ERG: variants seen among roughly 807,000 people sequenced by gnomAD.
ERG encodes transcriptional regulator ERG.
A neutral mutation model predicts 55.3 loss-of-function variants in ERG; 9 were observed. That is an observed-to-expected ratio of 0.16 (90% CI 0.10 to 0.28). ERG has a LOEUF of 0.28. Among genes scored for constraint, ERG ranks in the 10% least tolerant of loss-of-function variants. The pLI is 1.00. For missense variants in ERG, 434 were observed against 631.6 expected, an observed-to-expected ratio of 0.69 and a Z score of 3.35; for synonymous variants, 223 against 237.3, an observed-to-expected ratio of 0.94 and a Z score of 0.55.
At chr21:38,441,990 C>T (rs1399808784) in intron 2 of ERG, among the ~76,000 whole-genome samples, 1 of 152,242 alleles carries the variant, frequency 6.6e-6, no homozygotes, top group Non-Finnish European at 1.5e-5. Flanking sequence ...CACCAAAACA[C>T]ATCACCGATG....
chr21:38,521,363 C>G (rs970198907), intron 2 of ERG, among the ~76,000 whole-genome samples: 2 of 152,192 alleles, frequency 1.3e-5, no homozygotes, highest in African/African-American at 2.4e-5. Context: ...AGTTACGTCT[C>G]TTGCCCACAG....
chr21:38,428,543 G>A lies in ERG; in HGVS notation c.237-4982C>T, dbSNP rs1017364528. ...GAGTATGCTGTGCAGGGAATGAACA[G>A]TCCTGAAGTAGGACAGTGTGTCAGG... On this transcript the variant is annotated intron_variant, in intron 2 of 9. Coordinates refer to ENST00000288319, the MANE Select transcript of ERG (RefSeq NM_182918.4). Among the ~76,000 whole-genome samples, 3 of 152,220 alleles carry A rather than the reference G, an allele frequency of 2.0e-5. No individual in the cohort carries two copies. The South Asian group carries it at 6.2e-4, about 31-fold the overall frequency.
At chr21:38,548,502 C>T (rs2059802187) in intron 2 of ERG, among the ~76,000 whole-genome samples, 3 of 149,518 alleles carry the variant, frequency 2.0e-5, no homozygotes, top group African/African-American at 7.4e-5. Context: ...GGCTGGAGTG[C>T]AGTGGTGCGA....
chr21:38,580,514 T>C (rs1364308520), intron 1 of ERG, among the ~76,000 whole-genome samples: 2 of 152,254 alleles, frequency 1.3e-5, no homozygotes, highest in African/African-American at 2.4e-5. Context: ...TCACTCTATG[T>C]TGATTGAAAA....
At chr21:38,391,955 T>TAAA (rs34250716) in intron 7 of ERG, among the ~76,000 whole-genome samples, 15 of 141,886 alleles carry the variant, frequency 1.1e-4, no homozygotes, top group East Asian at 8.2e-4. Flanking sequence ...TTTCCAAAAG[T>TAAA]AAAAAAAAAA....
chr21:38,564,419 T>C (rs563261427), intron 2 of ERG, among the ~76,000 whole-genome samples: 75 of 152,250 alleles, frequency 4.9e-4, no homozygotes, highest in African/African-American at 1.7e-3. Flanking sequence ...TAAAAATTAA[T>C]AGGTAGAATA....
chr21:38,607,077 C>T (rs963155680), intron 1 of ERG, among the ~76,000 whole-genome samples: 1 of 152,092 alleles, frequency 6.6e-6, no homozygotes, highest in Non-Finnish European at 1.5e-5. Flanking sequence ...AGGAAACAAC[C>T]TGATGGATAC....
Position 38,460,939 on chromosome 21 carries a change from A to G in ERG, c.19-15318T>C, listed in dbSNP as rs1408430655. Among the ~76,000 whole-genome samples, 1 of 152,212 alleles carries G rather than the reference A, an allele frequency of 6.6e-6. No homozygotes were observed. Among genetic ancestry groups the G allele is most frequent in the Non-Finnish European group, 1.5e-5 (1 of 68,042 alleles). On this transcript the variant is annotated intron_variant, in intron 1 of 9. Coordinates refer to ENST00000288319, the MANE Select transcript of ERG (RefSeq NM_182918.4). The surrounding 1 kb of genome is among the most constrained non-coding windows in gnomAD (Gnocchi z 5.0). ...GCCTATGGAGAACCTGGATTCCCAG[A>G]GCTCTATCTGGTAGAACGTGTCTCC...
chr21:38,464,814 G>A (rs894575065), intron 1 of ERG, among the ~76,000 whole-genome samples: 3 of 151,936 alleles, frequency 2.0e-5, no homozygotes, highest in Admixed American at 6.5e-5. Flanking sequence ...AACATGTGGT[G>A]TTTGGTTTTC....
rs1308813780 is a variant in ERG at position 38,423,565 on chromosome 21, G to T, written c.237-4C>A. 6.2e-7 allele frequency: 1 copy of T among 1,605,090 alleles called. No individual in the cohort carries two copies. The highest frequency in any genetic ancestry group is 8.5e-7 in the Non-Finnish European group (1 of 1,173,214). On this transcript the variant is annotated splice_polypyrimidine_tract_variant and splice_region_variant and intron_variant, in intron 2 of 9. Transcript: ENST00000288319. ...ACTGCATTCATCAGGAGAGTTCCTG[G>T]AGGAGAAGAAATATTCTTCCATTAT... is the stretch of plus-strand genomic sequence containing the variant.
chr21:38,546,302 C>G (rs2059787372), intron 2 of ERG, among the ~76,000 whole-genome samples: 1 of 152,052 alleles, frequency 6.6e-6, no homozygotes, highest in Non-Finnish European at 1.5e-5. Context: ...TTATGAGGAC[C>G]TTATTTTATT....
intron 1 of ERG, among the ~76,000 whole-genome samples, chr21:38,465,128 T>C (rs1453383665): frequency 1.3e-5 from 2 of 152,232 alleles, no homozygotes; most frequent in Non-Finnish European, 2.9e-5. Context: ...TGTTTTTGCC[T>C]GTGGGATGTT....
intron 2 of ERG, among the ~76,000 whole-genome samples, chr21:38,544,715 T>A (rs1434501216): frequency 2.0e-5 from 3 of 152,258 alleles, no homozygotes; most frequent in South Asian, 4.1e-4. Context: ...GGATTTGAAC[T>A]GATGAGGGAA....
At position 38,381,866 on chromosome 21, in the gene ERG, G is replaced by A. The variant is rs1483325630; in HGVS notation, c.*1537C>T. The A allele has an allele frequency of 1.2e-5, 13 of 1,063,606 alleles. No homozygotes were observed. The highest frequency in any genetic ancestry group is 1.5e-5 in the Non-Finnish European group (13 of 878,194). 65.9% of individuals were successfully genotyped at this position (1,063,606 alleles called of 1,614,324 possible). On this transcript the variant is annotated 3_prime_UTR_variant, in exon 10 of 10. Coordinates refer to ENST00000288319, the MANE Select transcript of ERG (RefSeq NM_182918.4). ...GGGGAGGCAAGAAGGACCTGGAGAG[G>A]CTGACGCCATTTGGGTGCCAAACAT...
chr21:38,410,711 A>G lies in ERG; in HGVS notation c.389-7002T>C, dbSNP rs1439522716. On this transcript the variant is annotated intron_variant, in intron 3 of 9. Coordinates refer to ENST00000288319, the MANE Select transcript of ERG (RefSeq NM_182918.4). ...TTTAAATCAGGCAAAGGGGCACTGC[A>G]TCGCCAAAGACAAACTGTGCCTTTG... Among the ~76,000 whole-genome samples the G allele has an allele frequency of 7.2e-5, 11 of 152,264 alleles. No homozygotes were observed. In the East Asian group the frequency reaches 2.1e-3, roughly 29 times the overall value.
chr21:38,521,689 T>C (rs1475463204), intron 2 of ERG, among the ~76,000 whole-genome samples: 1 of 152,208 alleles, frequency 6.6e-6, no homozygotes, highest in Non-Finnish European at 1.5e-5. Flanking sequence ...ACTAAAATAG[T>C]AATCAGCTAA....
intron 6 of ERG, among the ~76,000 whole-genome samples, chr21:38,396,183 T>C (rs531746696): frequency 6.6e-6 from 1 of 152,216 alleles, no homozygotes. Flanking sequence ...AAAAAAAAGT[T>C]TGAGTCAACC....
chr21:38,423,638 A>G (rs1270925469), intron 2 of ERG, 77 bp from the exon 3 acceptor site: 2 of 1,441,282 alleles, frequency 1.4e-6, no homozygotes, highest in African/African-American at 2.8e-5. Context: ...CAATACACAG[A>G]GAGAACCAAA....
chr21:38,380,090 A>AT lies in ERG; in HGVS notation c.*3312dup. On this transcript the variant is annotated 3_prime_UTR_variant, in exon 10 of 10. Transcript: ENST00000288319. ...CTCTAATTAGTCACCTCACGACTTT[A>AT]TTTGAATGAATTAATGAGAAGCTAA... 1 of 1,021,682 alleles carries AT rather than the reference A, an allele frequency of 9.8e-7. No homozygotes were observed. The highest frequency in any genetic ancestry group is 1.2e-6 in the Non-Finnish European group (1 of 851,372). The allele number at this position is 1,021,682 out of a possible 1,614,324, so 63.3% of individuals were successfully genotyped here. A position where few individuals can be genotyped will look rare whatever the true frequency, so the allele number is the denominator to read the frequency against.
Sources: allele counts gnomAD v4.1 joint callset (sites outside exome capture counted in the v4.1 genomes callset), GRCh38; gene constraint gnomAD v4.1.1; non-coding constraint Gnocchi (gnomAD v3.1); transcripts MANE v1.5; gene names NCBI Gene and HGNC (gene_info 2026-07-23, HGNC 2026-07-21).